The following KLHL32 variants were observed in gnomAD, a reference collection of about 807,000 sequenced individuals.
KLHL32 encodes kelch-like protein 32.
In KLHL32, 35 loss-of-function variants were observed where a neutral mutation model predicts 64.8. That is an observed-to-expected ratio of 0.54 (90% CI 0.41 to 0.72). The LOEUF (loss-of-function observed/expected upper bound fraction) is 0.72. KLHL32 is among the 30% of genes least tolerant of loss of function. The pLI is 0.00. For synonymous variants in KLHL32, 259 were observed against 281.0 expected (o/e 0.92, Z 0.78); for missense variants, 589 against 768.5 (o/e 0.77, Z 2.76).
At chr6:97,036,115 A>G (rs1784260039) in intron 3 of KLHL32, among the ~76,000 whole-genome samples, 1 of 152,022 alleles carries the variant, frequency 6.6e-6, no homozygotes, top group Non-Finnish European at 1.5e-5. Flanking sequence ...CGAGTCTGGT[A>G]TTGAAGTTCT....
At chr6:97,044,719 T>C (rs777350870) in intron 4 of KLHL32, among the ~76,000 whole-genome samples, 38 of 152,080 alleles carry the variant, frequency 2.5e-4, no homozygotes, top group Admixed American at 3.9e-4. Context: ...GATTTTTTAT[T>C]ACTTTTTTAT....
intron 1 of KLHL32, among the ~76,000 whole-genome samples, chr6:96,949,226 G>C (rs1045214757): frequency 1.3e-5 from 2 of 152,198 alleles, no homozygotes; most frequent in African/African-American, 4.8e-5. Flanking sequence ...ATGGCACATA[G>C]TAGGAATTAA....
intron 6 of KLHL32, among the ~76,000 whole-genome samples, chr6:97,112,923 G>A (rs1048261718): frequency 2.0e-5 from 3 of 150,864 alleles, no homozygotes; most frequent in Non-Finnish European, 4.4e-5. Context: ...GTATGACAAT[G>A]TACCTGCTTT....
intron 6 of KLHL32, among the ~76,000 whole-genome samples, chr6:97,102,187 T>G (rs1206156): frequency 0.68 from 102,699 of 151,338 alleles, 35,214 homozygotes; most frequent in South Asian, 0.78. Context: ...AAGTCCTGTA[T>G]TCTTTTCCTT....
chr6:97,031,680 A>G (rs1783575967), intron 3 of KLHL32, among the ~76,000 whole-genome samples: 1 of 152,160 alleles, frequency 6.6e-6, no homozygotes, highest in South Asian at 2.1e-4. Context: ...TCAAAGTGGA[A>G]GTTCTGTATT....
rs571246017 is a variant in KLHL32 at position 96,984,865 on chromosome 6, C to T, written c.204+8688C>T. ...TGTCTTTTAATTGGAGCATTTAGCCCATTTACATTTAAGGTTAATATTGTT... is the reference window on the plus strand; with the variant it reads ...TGTCTTTTAATTGGAGCATTTAGCCTATTTACATTTAAGGTTAATATTGTT... On this transcript the variant is annotated intron_variant, in intron 3 of 10. Coordinates refer to ENST00000369261, the MANE Select transcript of KLHL32 (RefSeq NM_052904.4). Among the ~76,000 whole-genome samples, 1,251 of 152,230 alleles carry T rather than the reference C, an allele frequency of 8.2e-3. 20 individuals carry two copies. Among genetic ancestry groups the T allele is most frequent in the African/African-American group, 0.029 (1,201 of 41,546 alleles).
intron 3 of KLHL32, among the ~76,000 whole-genome samples, chr6:96,987,223 G>C (rs1777218481): frequency 6.6e-6 from 1 of 152,092 alleles, no homozygotes; most frequent in South Asian, 2.1e-4. Context: ...GTTCTGCTCT[G>C]ATCTTACTTA....
At chr6:97,046,291 A>G (rs1363291682) in intron 4 of KLHL32, among the ~76,000 whole-genome samples, 1 of 152,220 alleles carries the variant, frequency 6.6e-6, no homozygotes, top group African/African-American at 2.4e-5. Context: ...AAATGCAGTG[A>G]ATTGACTAAG....
intron 5 of KLHL32, among the ~76,000 whole-genome samples, chr6:97,077,277 G>A (rs893998027): frequency 3.9e-5 from 6 of 152,286 alleles, no homozygotes; most frequent in Admixed American, 3.9e-4. Flanking sequence ...AAAGTCTACT[G>A]AAGCAAACGA....
intron 6 of KLHL32, among the ~76,000 whole-genome samples, chr6:97,109,250 A>C (rs1043215793): frequency 6.6e-6 from 1 of 152,250 alleles, no homozygotes; most frequent in Non-Finnish European, 1.5e-5. Flanking sequence ...CTGGAAAAAA[A>C]TATAAACCCA....
At chr6:97,086,480 C>T (rs1562321547) in intron 6 of KLHL32, among the ~76,000 whole-genome samples, 2 of 152,180 alleles carry the variant, frequency 1.3e-5, no homozygotes, top group African/African-American at 2.4e-5. Flanking sequence ...AACTTATTGA[C>T]AGCAGGCCTG....
the KLHL32 span, among the ~76,000 whole-genome samples, chr6:96,902,571 T>G: frequency 6.6e-6 from 1 of 152,336 alleles, no homozygotes; most frequent in East Asian, 1.9e-4. Context: ...GTTTCTTTTT[T>G]GTGCAGAGCT....
At chr6:97,139,074 G>T in intron 10 of KLHL32, 47 bp from the exon 11 acceptor site, 1 of 1,551,358 alleles carries the variant, frequency 6.4e-7, no homozygotes, top group South Asian at 1.2e-5. Context: ...GCTTTATTTT[G>T]AGCAGTCATC....
intron 8 of KLHL32, among the ~76,000 whole-genome samples, chr6:97,129,350 C>T (rs1050323579): frequency 2.0e-5 from 3 of 152,154 alleles, no homozygotes; most frequent in Non-Finnish European, 2.9e-5. Flanking sequence ...TGGGTTCTTC[C>T]TGTATGCTTA....
chr6:97,012,489 T>A (rs1460959407), intron 3 of KLHL32, among the ~76,000 whole-genome samples: 1 of 152,184 alleles, frequency 6.6e-6, no homozygotes, highest in Non-Finnish European at 1.5e-5. Context: ...GCTGACACCT[T>A]GATTTTAGCC....
intron 3 of KLHL32, among the ~76,000 whole-genome samples, chr6:97,004,290 G>A (rs1779396384): frequency 6.6e-6 from 1 of 152,144 alleles, no homozygotes; most frequent in South Asian, 2.1e-4. Context: ...CGTTGTTGGT[G>A]TATAGAAATG....
chr6:97,041,832 C>A (rs1785167303), intron 4 of KLHL32, among the ~76,000 whole-genome samples: 1 of 152,154 alleles, frequency 6.6e-6, no homozygotes, highest in African/African-American at 2.4e-5. Context: ...TCAGTGCTTG[C>A]TGGTGTAATT....
intron 2 of KLHL32, among the ~76,000 whole-genome samples, chr6:96,974,851 G>T (rs1775519173): frequency 6.6e-6 from 1 of 152,182 alleles, no homozygotes; most frequent in Non-Finnish European, 1.5e-5. Flanking sequence ...GGAGGGGTTG[G>T]ATACAGGAAT....
At chr6:96,969,558 C>T (rs897181182) in intron 2 of KLHL32, among the ~76,000 whole-genome samples, 3 of 152,160 alleles carry the variant, frequency 2.0e-5, no homozygotes, top group African/African-American at 7.2e-5. Flanking sequence ...CTAGTGGAGA[C>T]TAGTTCCACA....
Sources: gnomAD v4.1 joint callset for allele counts (sites outside exome capture counted in the v4.1 genomes callset) on GRCh38, gnomAD v4.1.1 for gene constraint, MANE v1.5 for transcripts, NCBI Gene and HGNC (gene_info 2026-07-23, HGNC 2026-07-21) for gene names.